Variants in LRRC4C observed in about 807,000 individuals in gnomAD.
LRRC4C encodes the protein leucine rich repeat containing 4C.
In LRRC4C, 5 loss-of-function variants were observed where a neutral mutation model predicts 33.6. That is an observed-to-expected ratio of 0.15 (90% CI 0.08 to 0.31). The LOEUF is 0.31. Ranked by LOEUF, LRRC4C falls within the 10% of genes least tolerant of loss-of-function variation. The pLI is 1.00. For missense variants in LRRC4C, 560 were observed against 796.7 expected (o/e 0.70, Z 3.58); for synonymous variants, 329 against 302.0 (o/e 1.09, Z -0.93).
At chr11:40,605,457 C>T (rs1400890673) in intron 3 of LRRC4C, among the ~76,000 whole-genome samples, 2 of 151,986 alleles carry the variant, frequency 1.3e-5, no homozygotes, top group South Asian at 4.1e-4. Context: ...AATCCAAAAA[C>T]CATTTAAGAG....
chr11:40,871,401 C>T (rs190183874), intron 2 of LRRC4C, among the ~76,000 whole-genome samples: 94 of 152,086 alleles, frequency 6.2e-4, no homozygotes, highest in Middle Eastern at 3.4e-3. Flanking sequence ...GTGATGTCTC[C>T]CCCGGACACC....
chr11:41,190,587 C>G (rs930982088), intron 1 of LRRC4C, among the ~76,000 whole-genome samples: 1 of 152,162 alleles, frequency 6.6e-6, no homozygotes, highest in Non-Finnish European at 1.5e-5. Flanking sequence ...ACATAGATTA[C>G]CCAGTCCTCA....
chr11:40,798,179 T>G (rs1950907210), intron 2 of LRRC4C, among the ~76,000 whole-genome samples: 1 of 152,180 alleles, frequency 6.6e-6, no homozygotes, highest in Non-Finnish European at 1.5e-5. Flanking sequence ...ACACATCAAA[T>G]GCACATCAAC....
intron 2 of LRRC4C, among the ~76,000 whole-genome samples, chr11:40,782,360 G>C (rs2137285983): frequency 6.6e-6 from 1 of 151,848 alleles, no homozygotes; most frequent in East Asian, 1.9e-4. Flanking sequence ...TGGTATGGCT[G>C]CTCTCACTTT....
At chr11:40,205,733 G>C (rs966567406) in intron 5 of LRRC4C, among the ~76,000 whole-genome samples, 3 of 152,090 alleles carry the variant, frequency 2.0e-5, no homozygotes, top group Non-Finnish European at 4.4e-5. Flanking sequence ...TAATCAGTCA[G>C]TCAGGTAATC....
At chr11:41,293,308 T>C (rs920323367) in intron 1 of LRRC4C, among the ~76,000 whole-genome samples, 2 of 152,128 alleles carry the variant, frequency 1.3e-5, no homozygotes, top group Non-Finnish European at 2.9e-5. Context: ...TAAAAGATAA[T>C]GTTCTATAGT....
chr11:41,083,188 A>G (rs1242160567), intron 1 of LRRC4C, among the ~76,000 whole-genome samples: 1 of 152,094 alleles, frequency 6.6e-6, no homozygotes, highest in African/African-American at 2.4e-5. Flanking sequence ...AAATATGACC[A>G]TGAATTTTGG....
intron 3 of LRRC4C, among the ~76,000 whole-genome samples, chr11:40,465,854 C>T (rs998002791): frequency 6.6e-6 from 1 of 151,950 alleles, no homozygotes; most frequent in African/African-American, 2.4e-5. Flanking sequence ...CCTCTATGGA[C>T]AACAGTGTGG....
intron 2 of LRRC4C, among the ~76,000 whole-genome samples, chr11:40,661,403 T>G (rs1189350449): frequency 6.6e-6 from 1 of 152,242 alleles, no homozygotes; most frequent in East Asian, 1.9e-4. Context: ...AACAACTGTT[T>G]GAGCTAGGTT....
intron 6 of LRRC4C, among the ~76,000 whole-genome samples, chr11:40,119,124 C>A (rs1310652796): frequency 6.6e-6 from 1 of 152,098 alleles, no homozygotes; most frequent in Non-Finnish European, 1.5e-5. Flanking sequence ...ATTTACATAG[C>A]CTACAGAAGG....
At chr11:40,831,989 TAC>T (rs1952436043) in intron 2 of LRRC4C, among the ~76,000 whole-genome samples, 1 of 152,144 alleles carries the variant, frequency 6.6e-6, no homozygotes, top group South Asian at 2.1e-4. Flanking sequence ...ATATTTAAAA[TAC>T]AGTTATAGGT....
At chr11:40,671,151 C>A (rs1944085279) in intron 2 of LRRC4C, among the ~76,000 whole-genome samples, 1 of 152,102 alleles carries the variant, frequency 6.6e-6, no homozygotes, top group Non-Finnish European at 1.5e-5. Flanking sequence ...TATACTTACA[C>A]CTACAACTAC....
At chr11:41,421,084 C>G (rs1255278263) in intron 1 of LRRC4C, among the ~76,000 whole-genome samples, 1 of 151,966 alleles carries the variant, frequency 6.6e-6, no homozygotes, top group African/African-American at 2.4e-5. Context: ...GTTCCCTCAT[C>G]TGTAAAATGG....
intron 2 of LRRC4C, among the ~76,000 whole-genome samples, chr11:40,690,133 C>A (rs558432234): frequency 1.3e-5 from 2 of 152,162 alleles, no homozygotes; most frequent in African/African-American, 2.4e-5. Flanking sequence ...CACTTTGTTG[C>A]CTCATACCTA....
At chr11:40,182,005 CCTTG>C in intron 5 of LRRC4C, among the ~76,000 whole-genome samples, 1 of 152,118 alleles carries the variant, frequency 6.6e-6, no homozygotes, top group South Asian at 2.1e-4. Context: ...AAATTTCATT[CCTTG>C]ATGCTCTCCC....
intron 1 of LRRC4C, among the ~76,000 whole-genome samples, chr11:41,304,529 T>C (rs1390154716): frequency 2.8e-5 from 1 of 35,314 alleles, no homozygotes; most frequent in African/African-American, 1.0e-4. Flanking sequence ...GAGGTGGGGG[T>C]ATCAGCCCCC....
At chr11:40,308,426 T>C (rs559912207) in intron 4 of LRRC4C, among the ~76,000 whole-genome samples, 1 of 152,326 alleles carries the variant, frequency 6.6e-6, no homozygotes, top group South Asian at 2.1e-4. Flanking sequence ...AAAATGTCCA[T>C]ATTTGAATCT....
intron 1 of LRRC4C, among the ~76,000 whole-genome samples, chr11:41,349,065 G>C (rs1206389459): frequency 1.3e-5 from 2 of 152,104 alleles, no homozygotes; most frequent in Non-Finnish European, 2.9e-5. Context: ...TTTCCTGTAG[G>C]ATGGGGTCAG....
At chr11:41,293,575 TTTTTA>T (rs1358510587) in intron 1 of LRRC4C, among the ~76,000 whole-genome samples, 2 of 151,886 alleles carry the variant, frequency 1.3e-5, no homozygotes, top group South Asian at 2.1e-4. Flanking sequence ...TTATTTTATT[TTTTTA>T]TTTTATTTTT....
Sources: gnomAD v4.1 joint callset for allele counts (sites outside exome capture counted in the v4.1 genomes callset) on GRCh38, gnomAD v4.1.1 for gene constraint, MANE v1.5 for transcripts, NCBI Gene and HGNC (gene_info 2026-07-23, HGNC 2026-07-21) for gene names.